PCSK6: variants seen among roughly 807,000 people sequenced by gnomAD.
PCSK6 encodes paired basic amino acid cleaving enzyme 4.
Under a neutral mutation model 123.3 loss-of-function variants are expected in PCSK6, and 85 were observed. That is an observed-to-expected ratio of 0.69 (90% confidence interval 0.58 to 0.83). PCSK6 has a LOEUF of 0.83. Among genes scored for constraint, PCSK6 ranks in the 40% least tolerant of loss-of-function variants. PCSK6 has a pLI of 0.00. For synonymous variants in PCSK6, 508 were observed against 516.0 expected (o/e 0.98, Z 0.21); for missense variants, 1,191 against 1,282.3 (o/e 0.93, Z 1.09).
At chr15:101,382,886 G>A (rs1002843145) in intron 10 of PCSK6, among the ~76,000 whole-genome samples, 6 of 152,068 alleles carry the variant, frequency 3.9e-5, no homozygotes, top group African/African-American at 7.2e-5. Flanking sequence ...CACTACCACC[G>A]ACATTCCTGC....
intron 1 of PCSK6, among the ~76,000 whole-genome samples, chr15:101,472,160 C>T (rs942102731): frequency 6.6e-6 from 1 of 152,254 alleles, no homozygotes; most frequent in African/African-American, 2.4e-5. Context: ...CATGCTCTGA[C>T]TGACGGCACT....
chr15:101,406,114 G>A (rs149693262), intron 6 of PCSK6, among the ~76,000 whole-genome samples: 10 of 152,276 alleles, frequency 6.6e-5, no homozygotes, highest in Non-Finnish European at 1.3e-4. Context: ...CTATCAACAT[G>A]CAGCCGGCCC....
chr15:101,318,453 T>A, intron 18 of PCSK6, 31 bp from the exon 19 acceptor site: 1 of 1,520,924 alleles, frequency 6.6e-7, no homozygotes, highest in Middle Eastern at 1.7e-4. Context: ...GATTTCCACA[T>A]CCATTCCAAA....
chr15:101,483,942 T>C (rs1275593916), intron 1 of PCSK6, among the ~76,000 whole-genome samples: 1 of 152,242 alleles, frequency 6.6e-6, no homozygotes, highest in Non-Finnish European at 1.5e-5. Context: ...AGAAGCACCA[T>C]GCGGTAGGTG....
rs1269455867 is a variant in PCSK6 at position 101,341,248 on chromosome 15, G to T, written c.1859-9217C>A. Among the ~76,000 whole-genome samples, 310 of 129,640 alleles carry T rather than the reference G, an allele frequency of 2.4e-3. 3 individuals are homozygous for T. The highest frequency in any genetic ancestry group is 0.021 in the Middle Eastern group (5 of 240). The allele number at this position is 129,640 out of a possible 152,430, so 85.0% of individuals were successfully genotyped here. ...CACCGCGCCTGGCCAAAAGTGTGGG[G>T]TTTTTTTTTTTTTTTTTCTTGACAA... On this transcript the variant is annotated intron_variant, in intron 13 of 21. Coordinates refer to ENST00000611716, the MANE Select transcript of PCSK6 (RefSeq NM_002570.5).
rs200594939 is a variant in PCSK6, at chr15:101,429,983, G to A, written c.734+4C>T. 135 of 1,610,312 alleles carry A rather than the reference G, an allele frequency of 8.4e-5. 1 individual carries two copies. Among genetic ancestry groups the A allele is most frequent in the South Asian group, 7.9e-4 (72 of 91,014 alleles). ...AGCCGGGGAGATGAGGCGAGGTGAC[G>A]TACTTATTTTCATTGCTGGCATCAT... is the stretch of plus-strand genomic sequence containing the variant. On this transcript the variant is annotated splice_donor_region_variant and intron_variant, in intron 5 of 21. Transcript: ENST00000611716.
chr15:101,486,097 G>A (rs577302655), intron 1 of PCSK6, among the ~76,000 whole-genome samples: 25 of 151,402 alleles, frequency 1.7e-4, no homozygotes, highest in African/African-American at 6.1e-4. Context: ...CCAAGTAGCT[G>A]GGATTACCGG....
chr15:101,482,590 GA>G (rs758001698), intron 1 of PCSK6, among the ~76,000 whole-genome samples: 10 of 152,198 alleles, frequency 6.6e-5, no homozygotes, highest in African/African-American at 2.2e-4. Flanking sequence ...GGACACTGGA[GA>G]ACAGGGTCTG....
intron 1 of PCSK6, among the ~76,000 whole-genome samples, chr15:101,445,164 T>C (rs956238769): frequency 6.6e-6 from 1 of 152,218 alleles, no homozygotes; most frequent in Non-Finnish European, 1.5e-5. Context: ...TAGAACCTAG[T>C]GGGCATTCAG....
At chr15:101,327,977 C>G (rs905814510) in intron 15 of PCSK6, among the ~76,000 whole-genome samples, 2 of 152,230 alleles carry the variant, frequency 1.3e-5, no homozygotes, top group Middle Eastern at 3.2e-3. Flanking sequence ...ACTCCTCCCC[C>G]CAGCTCCAGA....
intron 12 of PCSK6, among the ~76,000 whole-genome samples, chr15:101,369,896 G>A (rs111440809): frequency 6.6e-6 from 1 of 152,204 alleles, no homozygotes; most frequent in Non-Finnish European, 1.5e-5. Context: ...GTTCTGCAGG[G>A]CAGCCCACGA....
At chr15:101,314,886 C>T (rs760405823) in intron 19 of PCSK6, among the ~76,000 whole-genome samples, 63 of 152,208 alleles carry the variant, frequency 4.1e-4, no homozygotes, top group Non-Finnish European at 8.5e-4. Context: ...GCAGAGGCTG[C>T]TCGTATGCTT....
At chr15:101,392,787 G>C (rs56368334) in intron 8 of PCSK6, among the ~76,000 whole-genome samples, 1 of 152,146 alleles carries the variant, frequency 6.6e-6, no homozygotes, top group East Asian at 1.9e-4. Context: ...ATGCCTAGAA[G>C]AACTCCTGGA....
intron 13 of PCSK6, among the ~76,000 whole-genome samples, chr15:101,344,905 C>T (rs191377900): frequency 7.2e-5 from 11 of 152,264 alleles, no homozygotes; most frequent in African/African-American, 2.6e-4. Flanking sequence ...ATCCGCCCAC[C>T]TCAGCCTCCC....
At chr15:101,393,778 GC>G (rs1408854287) in intron 7 of PCSK6, among the ~76,000 whole-genome samples, 1 of 152,242 alleles carries the variant, frequency 6.6e-6, no homozygotes. Context: ...ATCAAAGAGA[GC>G]TAGCAGTGCT....
At position 101,304,020 on chromosome 15, in the gene PCSK6, C is replaced by T. The variant is rs1021990116; in HGVS notation, c.*1238G>A. ...TCAGAGTTGTAGATTCAATAAACAA[C>T]ATCTGGGTTCTCTCCAGCTCACAGG... is the stretch of plus-strand genomic sequence containing the variant. On this transcript the variant is annotated 3_prime_UTR_variant, in exon 22 of 22. Transcript: ENST00000611716. The T allele has an allele frequency of 3.3e-5, 5 of 152,582 alleles. No individual in the cohort carries two copies. Among genetic ancestry groups the T allele is most frequent in the Non-Finnish European group, 7.3e-5 (5 of 68,044 alleles). The allele number at this position is 152,582 out of a possible 1,614,324, so 9.5% of individuals were successfully genotyped here.
intron 9 of PCSK6, 106 bp from the exon 10 acceptor site, chr15:101,384,531 C>T: frequency 1.2e-6 from 1 of 800,604 alleles, no homozygotes; most frequent in Non-Finnish European, 2.0e-6. Flanking sequence ...TGAACTTCAG[C>T]AAGCCCCTCA....
At chr15:101,392,957 G>C (rs1223178120) in intron 8 of PCSK6, among the ~76,000 whole-genome samples, 1 of 152,140 alleles carries the variant, frequency 6.6e-6, no homozygotes, top group Non-Finnish European at 1.5e-5. Context: ...AATATTTTTA[G>C]ATCTCTAAAG....
intron 13 of PCSK6, among the ~76,000 whole-genome samples, chr15:101,356,721 ATAAT>A (rs1241845415): frequency 3.2e-4 from 44 of 136,018 alleles, no homozygotes; most frequent in Admixed American, 8.3e-4. Context: ...AAATAAATAA[ATAAT>A]ATAGGTGTGC....
Sources: allele counts gnomAD v4.1 joint callset (sites outside exome capture counted in the v4.1 genomes callset), GRCh38; gene constraint gnomAD v4.1.1; transcripts MANE v1.5; gene names NCBI Gene and HGNC (gene_info 2026-07-23, HGNC 2026-07-21).